LOXHD1: variants seen among roughly 807,000 people sequenced by gnomAD.
The protein encoded by LOXHD1 is lipoxygenase homology PLAT domains 1, also known as lipoxygenase homology domain-containing protein 1.
A neutral mutation model predicts 248.2 loss-of-function variants in LOXHD1; 205 were observed. The observed-to-expected ratio is 0.83, with a 90% CI of 0.74 to 0.93. LOXHD1 has a LOEUF of 0.93. Ranked by LOEUF, LOXHD1 falls within the 40% of genes least tolerant of loss-of-function variation. The probability of loss-of-function intolerance (pLI) is 0.00; values close to 1 mark genes in which losing one functional copy is unlikely to be tolerated. For missense variants in LOXHD1, 2,930 were observed against 2,971.6 expected (o/e 0.99, Z 0.33); for synonymous variants, 1,113 against 1,162.8 (o/e 0.96, Z 0.87).
At chr18:46,500,303 T>C (rs2034145469) in intron 37 of LOXHD1, among the ~76,000 whole-genome samples, 1 of 152,234 alleles carries the variant, frequency 6.6e-6, no homozygotes, top group African/African-American at 2.4e-5. Context: ...GTTTTCCTCC[T>C]GAGGTCCAGA....
chr18:46,586,855 C>CA (rs1466483059), intron 12 of LOXHD1, among the ~76,000 whole-genome samples: 1 of 152,160 alleles, frequency 6.6e-6, no homozygotes, highest in Non-Finnish European at 1.5e-5. Flanking sequence ...ATTCAGTGTA[C>CA]AAATTATTTT....
At chr18:46,564,093 A>AGTGTGTGT (rs57471507) in intron 17 of LOXHD1, among the ~76,000 whole-genome samples, 1 of 149,030 alleles carries the variant, frequency 6.7e-6, no homozygotes, top group East Asian at 2.0e-4. Context: ...GGAGAGAGAG[A>AGTGTGTGT]GTGTGTGTGT....
At chr18:46,554,786 C>A (rs8093709) in intron 21 of LOXHD1, among the ~76,000 whole-genome samples, 87,590 of 151,972 alleles carry the variant, frequency 0.58, 26,590 homozygotes, top group Non-Finnish European at 0.69. Flanking sequence ...ATAAACTTAA[C>A]AAGAATGTGT....
intron 17 of LOXHD1, among the ~76,000 whole-genome samples, chr18:46,563,647 C>T (rs893455701): frequency 3.3e-5 from 5 of 152,046 alleles, no homozygotes; most frequent in African/African-American, 1.2e-4. Flanking sequence ...GTGATTAGGC[C>T]CCCCAAAATG....
chr18:46,553,464 A>AGAGTCAT (rs1491515998), intron 21 of LOXHD1, among the ~76,000 whole-genome samples: 1 of 152,244 alleles, frequency 6.6e-6, no homozygotes, highest in African/African-American at 2.4e-5. Flanking sequence ...CTTCAAAAAC[A>AGAGTCAT]GAGTCATAAC....
chr18:46,484,980 C>T, intron 39 of LOXHD1, 39 bp downstream of exon 39: 2 of 1,507,502 alleles, frequency 1.3e-6, no homozygotes, highest in Non-Finnish European at 1.8e-6. Context: ...CCCTTACCTA[C>T]CCACCCCCCA....
At chr18:46,511,188 C>T (rs1251576178) in intron 34 of LOXHD1, among the ~76,000 whole-genome samples, 4 of 152,134 alleles carry the variant, frequency 2.6e-5, no homozygotes. Flanking sequence ...CAGGCTGAAC[C>T]CCAATTAACC....
intron 4 of LOXHD1, among the ~76,000 whole-genome samples, chr18:46,636,465 C>T (rs770165528): frequency 5.3e-5 from 8 of 152,058 alleles, no homozygotes; most frequent in Non-Finnish European, 8.8e-5. Context: ...CTCCACTCGA[C>T]GAGGATCTGC....
intron 16 of LOXHD1, among the ~76,000 whole-genome samples, chr18:46,566,897 A>G (rs925979221): frequency 6.6e-6 from 1 of 152,096 alleles, no homozygotes; most frequent in African/African-American, 2.4e-5. Flanking sequence ...CAACATACCC[A>G]TCCTGAAGGT....
At chr18:46,655,521 T>C (rs1042499151) in intron 1 of LOXHD1, among the ~76,000 whole-genome samples, 12 of 152,118 alleles carry the variant, frequency 7.9e-5, no homozygotes, top group African/African-American at 2.7e-4. Context: ...TGCCCTGATG[T>C]CTCACCTCCC....
intron 21 of LOXHD1, among the ~76,000 whole-genome samples, chr18:46,547,934 C>T (rs2036919792): frequency 6.6e-6 from 1 of 152,110 alleles, no homozygotes; most frequent in African/African-American, 2.4e-5. Context: ...AACTGGCAAC[C>T]CTACTCTGTG....
chr18:46,591,489 A>C (rs1014249882), intron 12 of LOXHD1, among the ~76,000 whole-genome samples: 4 of 152,228 alleles, frequency 2.6e-5, no homozygotes, highest in African/African-American at 9.6e-5. Flanking sequence ...TTTAAAGCTT[A>C]GTCCTTCTCC....
chr18:46,577,809 C>T lies in LOXHD1; in HGVS notation c.1868G>A (p.Arg623Lys), dbSNP rs373151735. ...TMRNVRRVRI[R>K]HDGKGSGSGW... Reference sequence around the variant, plus strand: ...GCTGCCGGAGCCTTTGCCATCGTGTCTGATCCTCACCCGCCTCACATTCCG... The same window carrying T: ...GCTGCCGGAGCCTTTGCCATCGTGTTTGATCCTCACCCGCCTCACATTCCG... The change falls in exon 14 of 41, where the codon AGA (arginine) becomes AAA (lysine). Residue 623 changes from arginine to lysine, a missense_variant. Transcript: ENST00000642948. 6.6e-5 allele frequency: 102 copies of T among 1,551,690 alleles called. 1 individual carries two copies. In the African/African-American group the frequency reaches 1.2e-3, roughly 19 times the overall value.
At chr18:46,493,108 C>T (rs1009426569) in intron 37 of LOXHD1, among the ~76,000 whole-genome samples, 1 of 152,216 alleles carries the variant, frequency 6.6e-6, no homozygotes, top group African/African-American at 2.4e-5. Flanking sequence ...CACAACTTCA[C>T]TTACTCTGTT....
chr18:46,526,367 G>A (rs2035829953), intron 29 of LOXHD1, among the ~76,000 whole-genome samples: 2 of 152,162 alleles, frequency 1.3e-5, no homozygotes, highest in South Asian at 4.1e-4. Flanking sequence ...TGAATACCCT[G>A]GCAGAGAGAG....
At chr18:46,634,267 AC>A (rs1474823687) in intron 4 of LOXHD1, among the ~76,000 whole-genome samples, 2 of 152,230 alleles carry the variant, frequency 1.3e-5, no homozygotes, top group African/African-American at 2.4e-5. Context: ...AAATTCTGAC[AC>A]GTGCCATAGC....
At position 46,538,147 on chromosome 18, in the gene LOXHD1, C is replaced by G; in HGVS notation, c.4095+9G>C. On this transcript the variant is annotated intron_variant, in intron 26 of 40. Transcript: ENST00000642948. ...CTCCATCCCTGGACAGCCTGCTGAG[C>G]CCAAGTACCTCTACGATGAAGCGGG... The G allele has an allele frequency of 1.3e-6, 2 of 1,527,370 alleles. No individual in the cohort carries two copies. The highest frequency in any genetic ancestry group is 2.4e-5 in the South Asian group (2 of 83,122). The allele number at this position is 1,527,370 out of a possible 1,614,324, so 94.6% of individuals were successfully genotyped here.
intron 20 of LOXHD1, chr18:46,557,879 A>G: frequency 8.7e-7 from 1 of 1,145,508 alleles, no homozygotes; most frequent in Non-Finnish European, 1.1e-6. Flanking sequence ...AATCTGCTTC[A>G]ATCACATATT....
chr18:46,548,460 G>A (rs1259777598), intron 21 of LOXHD1, among the ~76,000 whole-genome samples: 2 of 152,168 alleles, frequency 1.3e-5, no homozygotes, highest in African/African-American at 4.8e-5. Flanking sequence ...GCTGAGGGGG[G>A]CAACGTTACA....
Sources: gnomAD v4.1 joint callset for allele counts (sites outside exome capture counted in the v4.1 genomes callset) on GRCh38, gnomAD v4.1.1 for gene constraint, MANE v1.5 for transcripts, NCBI Gene and HGNC (gene_info 2026-07-23, HGNC 2026-07-21) for gene names.